The following CDH13 variants were observed in gnomAD, a reference collection of about 807,000 sequenced individuals.
CDH13 encodes the protein cadherin 13.
A neutral mutation model predicts 63.8 loss-of-function variants in CDH13; 24 were observed. That is an observed-to-expected ratio of 0.38 (90% confidence interval 0.27 to 0.53). CDH13 has a LOEUF of 0.53. Ranked by LOEUF, CDH13 falls within the 20% of genes least tolerant of loss-of-function variation. The pLI is 0.85. For missense variants in CDH13, 1,049 were observed against 903.1 expected, an observed-to-expected ratio of 1.16 and a Z score of -2.07; for synonymous variants, 503 against 355.3, an observed-to-expected ratio of 1.42 and a Z score of -4.67.
intron 5 of CDH13, among the ~76,000 whole-genome samples, chr16:83,222,253 T>G (rs571886711): frequency 2.0e-5 from 3 of 152,358 alleles, no homozygotes; most frequent in Admixed American, 6.5e-5. Context: ...GGTCAAGTTT[T>G]GAATTTGTGG....
chr16:83,010,801 A>G (rs780102082), intron 2 of CDH13, among the ~76,000 whole-genome samples: 4 of 152,236 alleles, frequency 2.6e-5, no homozygotes, highest in African/African-American at 9.6e-5. Context: ...CTACTTGTTC[A>G]TATTTAATGT....
At chr16:83,707,767 A>C (rs1346829861) in intron 10 of CDH13, among the ~76,000 whole-genome samples, 1 of 148,826 alleles carries the variant, frequency 6.7e-6, no homozygotes, top group East Asian at 2.0e-4. Flanking sequence ...GGAAGGAGAA[A>C]GAGTGAGATG....
At chr16:83,645,313 C>T (rs1210232123) in intron 8 of CDH13, among the ~76,000 whole-genome samples, 1 of 152,152 alleles carries the variant, frequency 6.6e-6, no homozygotes, top group African/African-American at 2.4e-5. Context: ...TCAACTACTG[C>T]ATGTTCTCAC....
intron 4 of CDH13, among the ~76,000 whole-genome samples, chr16:83,180,237 A>T (rs961315333): frequency 6.6e-6 from 1 of 152,280 alleles, no homozygotes; most frequent in South Asian, 2.1e-4. Context: ...TTTTAAGAGA[A>T]CTGAAATGGT....
intron 2 of CDH13, among the ~76,000 whole-genome samples, chr16:83,029,032 CTG>C (rs1447213547): frequency 6.6e-6 from 1 of 152,166 alleles, no homozygotes; most frequent in African/African-American, 2.4e-5. Flanking sequence ...TATCTAGAAA[CTG>C]TAGGAGAAGG....
At chr16:83,113,035 G>C (rs562815278) in intron 3 of CDH13, among the ~76,000 whole-genome samples, 1 of 152,178 alleles carries the variant, frequency 6.6e-6, no homozygotes, top group African/African-American at 2.4e-5. Flanking sequence ...AGCAGGGAGC[G>C]TGAGCCAACA....
intron 1 of CDH13, chr16:82,829,542 G>C (rs1358549812): frequency 2.0e-5 from 3 of 152,062 alleles, no homozygotes; most frequent in Non-Finnish European, 2.9e-5. Context: ...GGAAGACAGA[G>C]AAAATCAGCA....
intron 13 of CDH13, among the ~76,000 whole-genome samples, chr16:83,792,790 C>T (rs796783301): frequency 3.6e-4 from 55 of 152,310 alleles, no homozygotes; most frequent in African/African-American, 1.3e-3. Flanking sequence ...GAATATGTAT[C>T]CAACCCAAAA....
intron 7 of CDH13, among the ~76,000 whole-genome samples, chr16:83,547,672 T>C (rs927792545): frequency 6.6e-6 from 1 of 152,256 alleles, no homozygotes; most frequent in African/African-American, 2.4e-5. Flanking sequence ...GGTATATACG[T>C]ACCACATTTT....
At chr16:83,523,901 G>A (rs548692736) in intron 7 of CDH13, among the ~76,000 whole-genome samples, 1 of 152,152 alleles carries the variant, frequency 6.6e-6, no homozygotes, top group African/African-American at 2.4e-5. Context: ...ACCTGTGTCA[G>A]GACTCTAGAA....
At chr16:83,459,053 C>T (rs550574595) in intron 6 of CDH13, among the ~76,000 whole-genome samples, 3 of 152,338 alleles carry the variant, frequency 2.0e-5, no homozygotes, top group East Asian at 1.9e-4. Context: ...TCCTCTATGA[C>T]TAATCTAAGA....
chr16:83,051,561 C>A (rs898086534), intron 3 of CDH13, among the ~76,000 whole-genome samples: 2 of 152,190 alleles, frequency 1.3e-5, no homozygotes, highest in Non-Finnish European at 2.9e-5. Context: ...CATATACTTA[C>A]AAGATTTGCA....
intron 2 of CDH13, among the ~76,000 whole-genome samples, chr16:82,959,902 C>T (rs1906709347): frequency 6.6e-6 from 1 of 152,158 alleles, no homozygotes; most frequent in Non-Finnish European, 1.5e-5. Flanking sequence ...TGGAGGTTTT[C>T]ATTCTCTGAG....
chr16:83,769,907 G>GTAAT (rs985379786), intron 11 of CDH13, among the ~76,000 whole-genome samples: 23 of 152,262 alleles, frequency 1.5e-4, no homozygotes, highest in African/African-American at 5.5e-4. Context: ...AGAGAAAAAA[G>GTAAT]TAATTAAACC....
intron 3 of CDH13, among the ~76,000 whole-genome samples, chr16:83,118,869 C>T (rs544941309): frequency 6.6e-6 from 1 of 152,188 alleles, no homozygotes; most frequent in Non-Finnish European, 1.5e-5. Flanking sequence ...CCTCTGCTCT[C>T]TTGCATCTTC....
At chr16:83,045,598 C>T (rs1917703950) in intron 3 of CDH13, among the ~76,000 whole-genome samples, 1 of 139,946 alleles carries the variant, frequency 7.1e-6, no homozygotes, top group African/African-American at 2.7e-5. Context: ...GATCACGCCA[C>T]TGCAGTGTAG....
chr16:82,950,970 A>G (rs1417775767), intron 2 of CDH13, among the ~76,000 whole-genome samples: 4 of 152,188 alleles, frequency 2.6e-5, no homozygotes, highest in East Asian at 1.9e-4. Flanking sequence ...TCCAACTGCT[A>G]TGCTTCAGCT....
intron 13 of CDH13, 95 bp downstream of exon 13, chr16:83,783,567 G>C (rs1043347062): frequency 1.5e-5 from 14 of 928,194 alleles, no homozygotes; most frequent in Non-Finnish European, 2.1e-5. Flanking sequence ...TTTCCAAGAA[G>C]ATGTTTCCCA....
chr16:83,643,947 G>A (rs144637623), intron 8 of CDH13, among the ~76,000 whole-genome samples: 92 of 152,284 alleles, frequency 6.0e-4, no homozygotes, highest in Non-Finnish European at 1.0e-3. Context: ...CCAGAGCTCC[G>A]CTCCTAGAGA....
Sources: allele counts gnomAD v4.1 joint callset (sites outside exome capture counted in the v4.1 genomes callset), GRCh38; gene constraint gnomAD v4.1.1; transcripts MANE v1.5; gene names NCBI Gene and HGNC (gene_info 2026-07-23, HGNC 2026-07-21).